The following SLC29A4 variants were observed in gnomAD, a reference collection of about 807,000 sequenced individuals.
SLC29A4 encodes the protein equilibrative nucleoside transporter 4.
A neutral mutation model predicts 43.9 loss-of-function variants in SLC29A4; 36 were observed. That is an observed-to-expected ratio of 0.82 (90% CI 0.63 to 1.08). The LOEUF is 1.08. SLC29A4 is among the 50% of genes least tolerant of loss of function. The pLI is 0.00. For synonymous variants in SLC29A4, 491 were observed against 338.0 expected (o/e 1.45, Z -4.97); for missense variants, 869 against 755.3 (o/e 1.15, Z -1.77).
chr7:5,298,084 A>G (rs899800398), intron 7 of SLC29A4, among the ~76,000 whole-genome samples: 4 of 152,238 alleles, frequency 2.6e-5, no homozygotes, highest in African/African-American at 9.6e-5. Context: ...CGAGGGAGCC[A>G]TTGGTCCTCG....
rs1010532613 is a variant in SLC29A4 at position 5,306,567 on chromosome 7, C to CAA, written c.*3629_*3630dup. ...CAGGCTGGTCTCGAACTCCTGACTT[C>CAA]AAGTGATCCGCCTGCCTTGGCCTCC... On this transcript the variant is annotated 3_prime_UTR_variant, in exon 11 of 11. Coordinates refer to ENST00000396872, the MANE Select transcript of SLC29A4 (RefSeq NM_153247.4). 1 of 152,114 alleles carries CAA rather than the reference C, an allele frequency of 6.6e-6. No individual in the cohort carries two copies. The highest frequency in any genetic ancestry group is 1.5e-5 in the Non-Finnish European group (1 of 68,038). The allele number at this position is 152,114 out of a possible 1,614,324, so 9.4% of individuals were successfully genotyped here. A position where few individuals can be genotyped will look rare whatever the true frequency, so the allele number is the denominator to read the frequency against.
chr7:5,292,007 C>A (rs6463368), intron 5 of SLC29A4, among the ~76,000 whole-genome samples, 186 bp downstream of exon 5: 70,293 of 151,910 alleles, frequency 0.46, 17,045 homozygotes, highest in East Asian at 0.69. Context: ...TGTAGTGTGT[C>A]TGCAGTGTGT....
intron 10 of SLC29A4, among the ~76,000 whole-genome samples, chr7:5,302,333 C>T (rs1166135290): frequency 6.6e-6 from 1 of 152,166 alleles, no homozygotes; most frequent in African/African-American, 2.4e-5. Flanking sequence ...GTAGGACTAT[C>T]ACTTGGGACC....
At position 5,300,412 on chromosome 7, in the gene SLC29A4, C is replaced by G. The variant is rs1382867555; in HGVS notation, c.1210-10C>G. On this transcript the variant is annotated splice_polypyrimidine_tract_variant and intron_variant, in intron 9 of 10. Coordinates refer to ENST00000396872, the MANE Select transcript of SLC29A4 (RefSeq NM_153247.4). ...CGGGACAGGGCGCCCACTTGCCTGG[C>G]TCTCTGCAGATCCTGGCAGCCCTGC... The G allele has an allele frequency of 6.2e-7, 1 of 1,610,870 alleles. No individual in the cohort carries two copies. Among genetic ancestry groups the G allele is most frequent in the African/African-American group, 1.3e-5 (1 of 74,832 alleles).
intron 6 of SLC29A4, among the ~76,000 whole-genome samples, chr7:5,295,383 T>C (rs762809530): frequency 8.5e-5 from 13 of 152,178 alleles, no homozygotes; most frequent in Non-Finnish European, 1.5e-4. Flanking sequence ...TGTGGGTGTC[T>C]CACGGGCTTC....
chr7:5,298,682 C>A (rs367964642), intron 7 of SLC29A4, among the ~76,000 whole-genome samples: 2 of 152,112 alleles, frequency 1.3e-5, no homozygotes, highest in Middle Eastern at 3.2e-3. Flanking sequence ...TGGCTGTAGT[C>A]CCTGTTACTT....
chr7:5,284,726 C>T (rs1784852677), intron 1 of SLC29A4, among the ~76,000 whole-genome samples: 1 of 152,210 alleles, frequency 6.6e-6, no homozygotes, highest in Non-Finnish European at 1.5e-5. Flanking sequence ...GCAGGGTCCC[C>T]ACCCCCTCCA....
intron 10 of SLC29A4, among the ~76,000 whole-genome samples, chr7:5,301,255 G>A (rs1786139199): frequency 8.5e-6 from 1 of 117,032 alleles, no homozygotes; most frequent in African/African-American, 3.2e-5. Context: ...GCAAGATCCT[G>A]TCTGGGGAAA....
intron 8 of SLC29A4, 36 bp from the exon 9 acceptor site, chr7:5,299,204 G>T (rs1329359173): frequency 6.2e-7 from 1 of 1,600,072 alleles, no homozygotes; most frequent in Admixed American, 1.7e-5. Flanking sequence ...GGGTCCCCGT[G>T]GGCGCTGCCT....
intron 6 of SLC29A4, among the ~76,000 whole-genome samples, chr7:5,296,728 G>A (rs1430351786): frequency 1.4e-5 from 2 of 144,042 alleles, no homozygotes; most frequent in South Asian, 2.2e-4. Flanking sequence ...TGGGGTGGTG[G>A]CAGTGGGCGG....
In SLC29A4 at chr7:5,297,208, C is replaced by T. The variant is rs765456639; in HGVS notation, c.882+10C>T. On this transcript the variant is annotated intron_variant, in intron 7 of 10. Transcript: ENST00000396872. ...CGGGGACGTCCACTTCGTAAGTGCGCACCGCCCACCTCTGTTCCCTTCTCT... is the reference window on the plus strand; with the variant it reads ...CGGGGACGTCCACTTCGTAAGTGCGTACCGCCCACCTCTGTTCCCTTCTCT... 5.7e-6 allele frequency: 9 copies of T among 1,574,052 alleles called. No individual in the cohort carries two copies. Among genetic ancestry groups the T allele is most frequent in the African/African-American group, 1.3e-5 (1 of 74,154 alleles).
intron 7 of SLC29A4, among the ~76,000 whole-genome samples, chr7:5,298,198 G>A (rs1562452777): frequency 2.0e-5 from 3 of 152,178 alleles, no homozygotes; most frequent in African/African-American, 4.8e-5. Context: ...ACCATCCCCA[G>A]GGGAGCCCCC....
intron 2 of SLC29A4, among the ~76,000 whole-genome samples, chr7:5,288,599 C>T (rs1223417270): frequency 5.3e-5 from 8 of 152,038 alleles, no homozygotes. Context: ...TCCGCTGACC[C>T]ATAAAGCTTC....
At position 5,298,981 on chromosome 7, in the gene SLC29A4, C is replaced by T. The variant is rs1785924873; in HGVS notation, c.883-7C>T. 1.3e-5 allele frequency: 21 copies of T among 1,606,920 alleles called. No individual in the cohort carries two copies. Among genetic ancestry groups the T allele is most frequent in the Non-Finnish European group, 1.8e-5 (21 of 1,179,096 alleles). On this transcript the variant is annotated splice_polypyrimidine_tract_variant and splice_region_variant and intron_variant, in intron 7 of 10. Transcript: ENST00000396872. ...TCCAACCCCATCCCACTCCATCCTC[C>T]CTCCAGGAGCACCCAGCCCCGGCCC...
At chr7:5,285,282 C>T (rs568693612) in intron 1 of SLC29A4, among the ~76,000 whole-genome samples, 6 of 152,042 alleles carry the variant, frequency 3.9e-5, no homozygotes, top group East Asian at 3.9e-4. Flanking sequence ...CCCCAACCCC[C>T]CAGCTCCAGA....
intron 8 of SLC29A4, 53 bp downstream of exon 8, chr7:5,299,179 G>T (rs1785951152): frequency 4.4e-6 from 7 of 1,598,288 alleles, no homozygotes; most frequent in Non-Finnish European, 6.0e-6. Context: ...GGCAGGGGGT[G>T]GGGGAGGCAG....
In SLC29A4 at chr7:5,297,152, A is replaced by C. The variant is rs768646689; in HGVS notation, c.836A>C (p.Tyr279Ser). 14 of 1,601,154 alleles carry C rather than the reference A, an allele frequency of 8.7e-6. No individual in the cohort carries two copies. In the East Asian group the frequency reaches 2.9e-4, roughly 33 times the overall value. Residue 279 changes from tyrosine (Y) to serine (S), a missense_variant, in exon 7 of 11, where the codon TAT becomes TCT. Coordinates refer to ENST00000396872, the MANE Select transcript of SLC29A4 (RefSeq NM_153247.4). ...HRGRPGLGRG[Y>S]GYRVHHDVVA... ...GGCAGGCCAGGCCTGGGCAGGGGCTATGGCTACCGCGTGCACCACGACGTT... is the reference window on the plus strand; with the variant it reads ...GGCAGGCCAGGCCTGGGCAGGGGCTCTGGCTACCGCGTGCACCACGACGTT...
chr7:5,295,215 A>T (rs1417240370), intron 6 of SLC29A4, among the ~76,000 whole-genome samples: 1 of 152,072 alleles, frequency 6.6e-6, no homozygotes, highest in Non-Finnish European at 1.5e-5. Context: ...GTCTCTGAGC[A>T]TGTGGCTGGG....
chr7:5,299,252 A>G lies in SLC29A4; in HGVS notation c.1034A>G (p.His345Arg). The G allele has an allele frequency of 6.2e-7, 1 of 1,611,916 alleles. No individual in the cohort carries two copies. Among genetic ancestry groups the G allele is most frequent in the South Asian group, 1.1e-5 (1 of 90,998 alleles). Residue 345 changes from histidine (H) to arginine (R), a missense_variant, in exon 9 of 11, where the codon CAC becomes CGC. Coordinates refer to ENST00000396872, the MANE Select transcript of SLC29A4 (RefSeq NM_153247.4). ...CGCCACCCTCCAGCCCTGTTACTGC[A>G]CCGCTACGTGGTGGCGCGGGTGATC... ...SWPTFRALLL[H>R]RYVVARVIWA...
Sources: allele counts gnomAD v4.1 joint callset (sites outside exome capture counted in the v4.1 genomes callset), GRCh38; gene constraint gnomAD v4.1.1; transcripts MANE v1.5; gene names NCBI Gene and HGNC (gene_info 2026-07-23, HGNC 2026-07-21).